The following NTM variants were observed in gnomAD, a reference collection of about 807,000 sequenced individuals.
The protein encoded by NTM is neurotrimin.
In NTM, 13 loss-of-function variants were observed where a neutral mutation model predicts 42.1. The observed-to-expected ratio is 0.31, with a 90% CI of 0.20 to 0.49. The LOEUF is 0.49. Ranked by LOEUF, NTM falls within the 20% of genes least tolerant of loss-of-function variation. NTM has a pLI of 0.99. For missense variants in NTM, 373 were observed against 452.8 expected, an observed-to-expected ratio of 0.82 and a Z score of 1.60; for synonymous variants, 187 against 179.2, an observed-to-expected ratio of 1.04 and a Z score of -0.35.
At chr11:132,307,406 AATT>A (rs2095126999) in intron 4 of NTM, among the ~76,000 whole-genome samples, 1 of 152,148 alleles carries the variant, frequency 6.6e-6, no homozygotes, top group African/African-American at 2.4e-5. Context: ...TAAATGTCAA[AATT>A]ATTAATCACT....
chr11:131,808,716 C>A (rs1318588099), intron 1 of NTM, among the ~76,000 whole-genome samples: 3 of 151,952 alleles, frequency 2.0e-5, no homozygotes, highest in African/African-American at 7.3e-5. Context: ...GGAGACAGCA[C>A]GTGCAAAGCT....
intron 2 of NTM, among the ~76,000 whole-genome samples, chr11:132,104,342 C>T (rs1256877622): frequency 6.6e-6 from 1 of 151,734 alleles, no homozygotes; most frequent in African/African-American, 2.4e-5. Flanking sequence ...CCCCTTCCTC[C>T]CTCCATTTTC....
intron 1 of NTM, 59 bp from the exon 2 acceptor site, chr11:131,911,505 C>A (rs2054999009): frequency 6.2e-7 from 1 of 1,614,130 alleles, no homozygotes; most frequent in Non-Finnish European, 8.5e-7. Context: ...GGTACCTGTT[C>A]CTGCCCTGGA....
At chr11:131,679,415 C>T (rs2072019022) in intron 1 of NTM, among the ~76,000 whole-genome samples, 1 of 152,026 alleles carries the variant, frequency 6.6e-6, no homozygotes, top group Admixed American at 6.6e-5. Flanking sequence ...ATTTTTACGG[C>T]CTTTAGAAGG....
At chr11:131,577,324 T>C (rs1178908690) in intron 1 of NTM, among the ~76,000 whole-genome samples, 1 of 152,188 alleles carries the variant, frequency 6.6e-6, no homozygotes, top group Admixed American at 6.5e-5. Context: ...TTTAGATGTG[T>C]GCATTTCAGT....
chr11:131,783,350 C>T (rs566739159), intron 1 of NTM, among the ~76,000 whole-genome samples: 8 of 152,156 alleles, frequency 5.3e-5, no homozygotes, highest in Non-Finnish European at 7.4e-5. Flanking sequence ...AGAGACAGTG[C>T]GCCATATCCA....
chr11:131,729,869 CT>C (rs2079422072), intron 1 of NTM, among the ~76,000 whole-genome samples: 1 of 152,100 alleles, frequency 6.6e-6, no homozygotes, highest in African/African-American at 2.4e-5. Flanking sequence ...AATAGTTCTA[CT>C]TTTTAGCTAT....
intron 2 of NTM, among the ~76,000 whole-genome samples, chr11:131,917,230 A>G (rs909859366): frequency 2.0e-5 from 3 of 152,244 alleles, no homozygotes; most frequent in Non-Finnish European, 4.4e-5. Flanking sequence ...GACTGCAGGA[A>G]TGAAGGCCTG....
At chr11:131,792,265 C>T (rs1354652861) in intron 1 of NTM, among the ~76,000 whole-genome samples, 1 of 152,062 alleles carries the variant, frequency 6.6e-6, no homozygotes, top group Non-Finnish European at 1.5e-5. Flanking sequence ...ACAACAAATG[C>T]AAAAGAAACA....
chr11:131,931,468 C>CGT (rs147069139), intron 2 of NTM, among the ~76,000 whole-genome samples: 26,489 of 142,450 alleles, frequency 0.19, 2,426 homozygotes, highest in East Asian at 0.2. Flanking sequence ...ATAATATATA[C>CGT]GTGTGTGTGT....
At chr11:131,958,651 G>A (rs1565825073) in intron 2 of NTM, among the ~76,000 whole-genome samples, 1 of 152,172 alleles carries the variant, frequency 6.6e-6, no homozygotes, top group African/African-American at 2.4e-5. Flanking sequence ...TTTTGTGTAT[G>A]TTGATGAGTG....
At chr11:132,182,734 G>A (rs1193481557) in intron 3 of NTM, among the ~76,000 whole-genome samples, 2 of 152,144 alleles carry the variant, frequency 1.3e-5, no homozygotes, top group East Asian at 3.9e-4. Flanking sequence ...ATCCTTGGAT[G>A]GTCCTCATTT....
intron 2 of NTM, among the ~76,000 whole-genome samples, chr11:131,970,513 C>T (rs1427338061): frequency 6.6e-6 from 1 of 152,234 alleles, no homozygotes; most frequent in Non-Finnish European, 1.5e-5. Context: ...CATCTGCTCC[C>T]CATTCCTTCC....
chr11:131,996,885 C>A (rs987504420), intron 2 of NTM, among the ~76,000 whole-genome samples: 2 of 152,172 alleles, frequency 1.3e-5, no homozygotes, highest in South Asian at 2.1e-4. Context: ...CACATCCCCG[C>A]CCCTCTAGAT....
At chr11:131,826,894 G>A (rs550797646) in intron 1 of NTM, among the ~76,000 whole-genome samples, 3 of 152,284 alleles carry the variant, frequency 2.0e-5, no homozygotes, top group Non-Finnish European at 4.4e-5. Context: ...AGTTTATGCA[G>A]TCACATGGCA....
At chr11:131,866,035 A>G (rs990670329) in intron 1 of NTM, among the ~76,000 whole-genome samples, 2 of 150,648 alleles carry the variant, frequency 1.3e-5, no homozygotes, top group African/African-American at 4.9e-5. Flanking sequence ...CATGCTACAT[A>G]CACACATGCT....
chr11:131,968,429 C>T (rs1354430202), intron 2 of NTM, among the ~76,000 whole-genome samples: 3 of 152,164 alleles, frequency 2.0e-5, no homozygotes, highest in African/African-American at 4.8e-5. Context: ...TCCCCAGCAC[C>T]TGTTTCTTAA....
At chr11:132,204,579 G>A (rs1461143273) in intron 3 of NTM, among the ~76,000 whole-genome samples, 2 of 152,164 alleles carry the variant, frequency 1.3e-5, no homozygotes, top group Non-Finnish European at 2.9e-5. Flanking sequence ...TGAGTAGCAG[G>A]AGAAAGGCAA....
intron 1 of NTM, among the ~76,000 whole-genome samples, chr11:131,436,454 T>A (rs1325925003): frequency 6.6e-6 from 1 of 152,192 alleles, no homozygotes; most frequent in Non-Finnish European, 1.5e-5. Context: ...ATTGCCTCAA[T>A]TTCAGAGCCT....
Sources: gnomAD v4.1 joint callset for allele counts (sites outside exome capture counted in the v4.1 genomes callset) on GRCh38, gnomAD v4.1.1 for gene constraint, MANE v1.5 for transcripts, NCBI Gene and HGNC (gene_info 2026-07-23, HGNC 2026-07-21) for gene names.